The following SNTG1 variants were observed in gnomAD, a reference collection of about 807,000 sequenced individuals.
SNTG1 encodes the protein gamma-1-syntrophin.
In SNTG1, 39 loss-of-function variants were observed where a neutral mutation model predicts 74.7. The observed-to-expected ratio is 0.52, with a 90% CI of 0.40 to 0.68. The LOEUF is 0.68. Ranked by LOEUF, SNTG1 falls within the 30% of genes least tolerant of loss-of-function variation. The pLI is 0.00. For missense variants in SNTG1, 685 were observed against 609.5 expected, an observed-to-expected ratio of 1.12 and a Z score of -1.30; for synonymous variants, 254 against 217.1, an observed-to-expected ratio of 1.17 and a Z score of -1.49.
chr8:50,302,801 T>G (rs1255523972), intron 2 of SNTG1, among the ~76,000 whole-genome samples: 1 of 152,146 alleles, frequency 6.6e-6, no homozygotes, highest in Admixed American at 6.6e-5. Flanking sequence ...CCCTTGGATT[T>G]CCAGTCTCCA....
chr8:50,240,555 T>TA (rs955443853), intron 2 of SNTG1, among the ~76,000 whole-genome samples: 5 of 152,172 alleles, frequency 3.3e-5, no homozygotes, highest in Admixed American at 2.6e-4. Flanking sequence ...ATATATTATG[T>TA]AAAAAACAAT....
chr8:50,579,005 C>T (rs1488456108), intron 12 of SNTG1, among the ~76,000 whole-genome samples: 3 of 152,106 alleles, frequency 2.0e-5, no homozygotes, highest in African/African-American at 7.2e-5. Flanking sequence ...CAGAAGAAAA[C>T]AGGAGAATGT....
At chr8:50,434,933 CCTAA>C (rs1423305949) in intron 4 of SNTG1, among the ~76,000 whole-genome samples, 16 of 152,172 alleles carry the variant, frequency 1.1e-4, no homozygotes, top group African/African-American at 3.4e-4. Flanking sequence ...TCCACTTCTT[CCTAA>C]CTTTTTTCCA....
chr8:50,494,430 T>C (rs1367906558), intron 8 of SNTG1, among the ~76,000 whole-genome samples: 4 of 152,032 alleles, frequency 2.6e-5, no homozygotes, highest in Non-Finnish European at 2.9e-5. Context: ...TTTAATAAAA[T>C]GGTTTGAAGA....
At chr8:50,449,760 C>A (rs1293229859) in intron 6 of SNTG1, 35 bp downstream of exon 6, 2 of 1,497,368 alleles carry the variant, frequency 1.3e-6, no homozygotes, top group Non-Finnish European at 1.8e-6. Flanking sequence ...CCAGCCATTT[C>A]TTTAAGGCAT....
intron 2 of SNTG1, among the ~76,000 whole-genome samples, chr8:50,348,083 A>G (rs914340578): frequency 2.0e-5 from 3 of 152,198 alleles, no homozygotes; most frequent in African/African-American, 7.2e-5. Flanking sequence ...AACTTCCTTC[A>G]TCTCCCCAAA....
At chr8:50,513,841 T>C (rs1202206225) in intron 9 of SNTG1, among the ~76,000 whole-genome samples, 2 of 152,210 alleles carry the variant, frequency 1.3e-5, no homozygotes, top group Non-Finnish European at 2.9e-5. Context: ...GGAAAGGGAA[T>C]TCCCTGACCC....
Position 50,468,191 on chromosome 8 carries a change from T to C in SNTG1, c.363+17462T>C, listed in dbSNP as rs537718854. ...TCCAACTGTATTTTTAAAAAACTGC[T>C]ACCTGCTTGAACTATCAGTTTTTGA... On this transcript the variant is annotated intron_variant, in intron 8 of 18. Transcript: ENST00000642720. Among the ~76,000 whole-genome samples, 25 of 152,172 alleles carry C rather than the reference T, an allele frequency of 1.6e-4. No homozygotes were observed. In the East Asian group the frequency reaches 4.8e-3, roughly 29 times the overall value.
intron 2 of SNTG1, among the ~76,000 whole-genome samples, chr8:50,382,657 A>G (rs1302853221): frequency 6.6e-6 from 1 of 152,210 alleles, no homozygotes; most frequent in African/African-American, 2.4e-5. Flanking sequence ...TTTTTAAAAA[A>G]GAAATATGCT....
At chr8:50,225,207 C>T (rs1047814374) in intron 2 of SNTG1, among the ~76,000 whole-genome samples, 2 of 152,024 alleles carry the variant, frequency 1.3e-5, no homozygotes, top group Admixed American at 1.3e-4. Context: ...CTCCTGACCT[C>T]GTGATCCACC....
At chr8:49,915,630 A>G (rs1805961630) in intron 1 of SNTG1, among the ~76,000 whole-genome samples, 1 of 152,218 alleles carries the variant, frequency 6.6e-6, no homozygotes, top group Non-Finnish European at 1.5e-5. Context: ...CAAAGAATCT[A>G]TCATGTCGTG....
At chr8:50,052,375 C>T (rs760539171) in intron 1 of SNTG1, among the ~76,000 whole-genome samples, 1 of 151,974 alleles carries the variant, frequency 6.6e-6, no homozygotes, top group Non-Finnish European at 1.5e-5. Flanking sequence ...TATCCACATG[C>T]AAAAAGAATT....
At chr8:50,326,018 G>C (rs1487280754) in intron 2 of SNTG1, among the ~76,000 whole-genome samples, 1 of 151,928 alleles carries the variant, frequency 6.6e-6, no homozygotes, top group Non-Finnish European at 1.5e-5. Flanking sequence ...TTGTGAATAT[G>C]ATAAATTACA....
At chr8:50,282,305 AAG>A (rs1386539533) in intron 2 of SNTG1, among the ~76,000 whole-genome samples, 10 of 152,200 alleles carry the variant, frequency 6.6e-5, no homozygotes, top group Non-Finnish European at 1.3e-4. Flanking sequence ...GTCAGTTTGT[AAG>A]AGAGAGTGCT....
chr8:50,251,347 C>T (rs1267411134), intron 2 of SNTG1, among the ~76,000 whole-genome samples: 3 of 151,630 alleles, frequency 2.0e-5, no homozygotes, highest in Admixed American at 6.6e-5. Flanking sequence ...ACCAAGAAAT[C>T]GTTAACAAAC....
intron 9 of SNTG1, among the ~76,000 whole-genome samples, chr8:50,509,990 G>T (rs1004521972): frequency 6.6e-6 from 1 of 152,134 alleles, no homozygotes; most frequent in Admixed American, 6.5e-5. Flanking sequence ...CCTGTCTTGT[G>T]CCAGTATTCA....
chr8:50,692,932 A>C (rs2095388282), intron 15 of SNTG1, among the ~76,000 whole-genome samples: 1 of 152,094 alleles, frequency 6.6e-6, no homozygotes, highest in South Asian at 2.1e-4. Flanking sequence ...TCATTTACCT[A>C]ATCAAACTAA....
At chr8:50,365,014 A>T (rs2092069253) in intron 2 of SNTG1, among the ~76,000 whole-genome samples, 1 of 152,036 alleles carries the variant, frequency 6.6e-6, no homozygotes, top group Non-Finnish European at 1.5e-5. Context: ...CATTCTCATA[A>T]TTTCTATTTA....
intron 2 of SNTG1, among the ~76,000 whole-genome samples, chr8:50,269,601 G>C (rs1028319646): frequency 5.3e-5 from 8 of 152,078 alleles, no homozygotes; most frequent in African/African-American, 1.9e-4. Context: ...ATCCTCCACA[G>C]CAACCTCAAA....
Sources: gnomAD v4.1 joint callset for allele counts (sites outside exome capture counted in the v4.1 genomes callset) on GRCh38, gnomAD v4.1.1 for gene constraint, MANE v1.5 for transcripts, NCBI Gene and HGNC (gene_info 2026-07-23, HGNC 2026-07-21) for gene names.